Variants in NCALD observed in about 807,000 individuals in gnomAD.
The protein encoded by NCALD is neurocalcin-delta.
In NCALD, 10 loss-of-function variants were observed where a neutral mutation model predicts 18.6. That is an observed-to-expected ratio of 0.54 (90% CI 0.33 to 0.91). The LOEUF (loss-of-function observed/expected upper bound fraction) is 0.91. Among genes scored for constraint, NCALD ranks in the 40% least tolerant of loss-of-function variants. The pLI is 0.03. For synonymous variants in NCALD, 88 were observed against 87.4 expected (o/e 1.01, Z -0.04); for missense variants, 184 against 247.6 (o/e 0.74, Z 1.72).
chr8:101,848,357 A>T (rs1302425399), intron 4 of NCALD, among the ~76,000 whole-genome samples: 1 of 152,140 alleles, frequency 6.6e-6, no homozygotes, highest in Non-Finnish European at 1.5e-5. Context: ...TTTTAGAATG[A>T]GGAAACAAGA....
At chr8:101,756,656 C>T (rs746519334) in intron 1 of NCALD, among the ~76,000 whole-genome samples, 9 of 152,126 alleles carry the variant, frequency 5.9e-5, no homozygotes, top group African/African-American at 1.9e-4. Context: ...ATTGGATTTC[C>T]GAAGAATTAA....
chr8:101,696,502 C>A (rs1179414250), intron 2 of NCALD, among the ~76,000 whole-genome samples: 1 of 152,068 alleles, frequency 6.6e-6, no homozygotes, highest in Non-Finnish European at 1.5e-5. Context: ...AGCAAAACAC[C>A]ATGTGGAAGC....
intron 2 of NCALD, among the ~76,000 whole-genome samples, chr8:101,983,929 C>A (rs972864389): frequency 1.3e-5 from 2 of 152,206 alleles, no homozygotes; most frequent in African/African-American, 4.8e-5. Context: ...ACAGTGGCTT[C>A]CCAGGGTGCT....
intron 1 of NCALD, among the ~76,000 whole-genome samples, chr8:102,089,159 C>A (rs1428436882): frequency 6.6e-6 from 1 of 152,116 alleles, no homozygotes; most frequent in Non-Finnish European, 1.5e-5. Context: ...CTTTGGGAGG[C>A]CAAGGTGGGT....
intron 4 of NCALD, among the ~76,000 whole-genome samples, chr8:101,862,030 A>G (rs915512845): frequency 1.3e-5 from 2 of 152,206 alleles, no homozygotes; most frequent in African/African-American, 4.8e-5. Context: ...ACAAATCTGC[A>G]AAAGGATTCA....
At chr8:101,848,010 C>T (rs1240202808) in intron 4 of NCALD, among the ~76,000 whole-genome samples, 1 of 152,100 alleles carries the variant, frequency 6.6e-6, no homozygotes, top group East Asian at 1.9e-4. Flanking sequence ...AGAGAAGGAA[C>T]AAACCTTACA....
At chr8:101,947,382 C>G (rs1191123881) in intron 2 of NCALD, among the ~76,000 whole-genome samples, 1 of 152,206 alleles carries the variant, frequency 6.6e-6, no homozygotes, top group Admixed American at 6.5e-5. Flanking sequence ...AATGTTCCCA[C>G]CCATTTCTCT....
intron 1 of NCALD, among the ~76,000 whole-genome samples, chr8:102,052,563 C>T (rs1019185997): frequency 6.6e-5 from 10 of 152,228 alleles, no homozygotes; most frequent in African/African-American, 2.4e-4. Context: ...ACACATAATT[C>T]AGGAACTTTA....
At position 102,113,066 on chromosome 8, in the gene NCALD, C is replaced by G. The variant is rs575002853; in HGVS notation, c.-210+11171G>C. Among the ~76,000 whole-genome samples, 6 of 152,210 alleles carry G rather than the reference C, an allele frequency of 3.9e-5. No individual in the cohort carries two copies. In the South Asian group the frequency reaches 1.2e-3, roughly 32 times the overall value. On this transcript the variant is annotated intron_variant, in intron 1 of 6. Transcript: ENST00000311028. ...TGGACCAAGACAGAAGCTATGAATG[C>G]CCTTCAAACAATGGAAACAGAAAAA...
rs1021955916 is a variant in NCALD, at chr8:101,691,120, G to A, written c.484+1671C>T. ...TGCTCTGCTCTCGGCAGGGAGGGGT[G>A]CAGGTGTCCTCAATCCTGGGGTCCA... On this transcript the variant is annotated intron_variant, in intron 3 of 3. Transcript: ENST00000220931. 13 of 985,230 alleles carry A rather than the reference G, an allele frequency of 1.3e-5. No homozygotes were observed. The African/African-American group carries it at 2.1e-4, about 16-fold the overall frequency. The allele number at this position is 985,230 out of a possible 1,614,324, so 61.0% of individuals were successfully genotyped here.
Position 101,763,972 on chromosome 8 carries a change from A to C in NCALD, c.-20+26890T>G, listed in dbSNP as rs1290710803. 1.0e-3 allele frequency among the ~76,000 whole-genome samples: 25 copies of C among 24,958 alleles called. No homozygotes were observed. In the South Asian group the frequency reaches 0.023, roughly 23 times the overall value. 16.4% of individuals were successfully genotyped at this position (24,958 alleles called of 152,430 possible). ...CAAATTTCTCTCTCTCTCTCCACACACACACACACACACACACACACACAC... is the reference window on the plus strand; with the variant it reads ...CAAATTTCTCTCTCTCTCTCCACACCCACACACACACACACACACACACAC... On this transcript the variant is annotated intron_variant, in intron 1 of 3. Transcript: ENST00000220931.
chr8:101,925,239 G>T lies in NCALD; in HGVS notation c.-156-9381C>A, dbSNP rs115198916. On this transcript the variant is annotated intron_variant, in intron 2 of 6. Coordinates refer to the NCALD transcript ENST00000311028. ...GATGCTCCCCTTGGAAGAGTGGCTG[G>T]GTGCCTCACATGCAGAAAAATACAG... Among the ~76,000 whole-genome samples the T allele has an allele frequency of 2.0e-3, 310 of 152,124 alleles. 2 individuals carry two copies. Among genetic ancestry groups the T allele is most frequent in the African/African-American group, 6.9e-3 (287 of 41,492 alleles).
At chr8:101,773,719 A>C (rs117440685) in intron 1 of NCALD, among the ~76,000 whole-genome samples, 487 of 152,322 alleles carry the variant, frequency 3.2e-3, no homozygotes, top group Non-Finnish European at 4.2e-3. Context: ...CTAGAGTTGA[A>C]TATTCCTTTT....
Position 101,713,786 on chromosome 8 carries a change from T to C in NCALD, c.378+5466A>G, listed in dbSNP as rs551753736. ...ACACATTTTGAAATTGAGGCAATAA[T>C]TGATAGCCTACCAACAAAAAAAAGC... On this transcript the variant is annotated intron_variant, in intron 2 of 3. Coordinates refer to ENST00000220931, the MANE Select transcript of NCALD (RefSeq NM_032041.3). Among the ~76,000 whole-genome samples the C allele has an allele frequency of 3.5e-4, 54 of 152,308 alleles. 1 individual carries two copies. Among genetic ancestry groups the C allele is most frequent in the Non-Finnish European group, 6.3e-4 (43 of 68,026 alleles).
chr8:101,754,081 C>A (rs1241701849), intron 1 of NCALD, among the ~76,000 whole-genome samples: 1 of 152,112 alleles, frequency 6.6e-6, no homozygotes, highest in African/African-American at 2.4e-5. Flanking sequence ...CCTCATTGGA[C>A]CCTCCTAACA....
chr8:102,037,838 G>A (rs1457881040), intron 1 of NCALD, among the ~76,000 whole-genome samples: 1 of 152,100 alleles, frequency 6.6e-6, no homozygotes, highest in Non-Finnish European at 1.5e-5. Flanking sequence ...ATGAGATGTA[G>A]GGTTTGCTTT....
intron 2 of NCALD, among the ~76,000 whole-genome samples, chr8:101,940,701 T>C (rs982704411): frequency 6.6e-6 from 1 of 152,172 alleles, no homozygotes; most frequent in African/African-American, 2.4e-5. Flanking sequence ...AGCTCTAGGT[T>C]TGGACAAAAG....
chr8:101,872,793 T>C (rs567832293), intron 4 of NCALD, among the ~76,000 whole-genome samples: 2 of 152,298 alleles, frequency 1.3e-5, no homozygotes, highest in African/African-American at 4.8e-5. Context: ...GCCAAAACTA[T>C]ATGTCATGGA....
At chr8:101,987,308 T>C (rs1022248635) in intron 2 of NCALD, among the ~76,000 whole-genome samples, 47 of 152,220 alleles carry the variant, frequency 3.1e-4, no homozygotes, top group Non-Finnish European at 1.2e-4. Flanking sequence ...AAGCCAATTT[T>C]TCCTGTGAAG....
Sources: allele counts gnomAD v4.1 joint callset (sites outside exome capture counted in the v4.1 genomes callset), GRCh38; gene constraint gnomAD v4.1.1; transcripts MANE v1.5; gene names NCBI Gene and HGNC (gene_info 2026-07-23, HGNC 2026-07-21).